The following EPM2A variants were observed in gnomAD, a reference collection of about 807,000 sequenced individuals.
EPM2A encodes laforin.
In EPM2A, 21 loss-of-function variants were observed where a neutral mutation model predicts 26.5. The observed-to-expected ratio is 0.79, with a 90% CI of 0.56 to 1.14. EPM2A has a LOEUF of 1.14. Among genes scored for constraint, EPM2A ranks in the 50% most tolerant of loss-of-function variants. EPM2A has a pLI of 0.00. For missense variants in EPM2A, 458 were observed against 440.8 expected, an observed-to-expected ratio of 1.04 and a Z score of -0.35; for synonymous variants, 217 against 177.6, an observed-to-expected ratio of 1.22 and a Z score of -1.76.
chr6:145,730,411 G>A (rs996738618), intron 1 of EPM2A, among the ~76,000 whole-genome samples: 23 of 152,186 alleles, frequency 1.5e-4, no homozygotes, highest in Admixed American at 1.5e-3. Flanking sequence ...GTGATGAACA[G>A]AGCTGCAGCA....
At chr6:145,480,804 G>A (rs1409207563) in intron 4 of EPM2A, among the ~76,000 whole-genome samples, 2 of 151,666 alleles carry the variant, frequency 1.3e-5, no homozygotes, top group African/African-American at 4.8e-5. Flanking sequence ...TACAACTATG[G>A]GTAATTCTAA....
At chr6:145,604,154 T>C (rs9497367) in intron 2 of EPM2A, among the ~76,000 whole-genome samples, 2 of 152,246 alleles carry the variant, frequency 1.3e-5, no homozygotes, top group South Asian at 4.1e-4. Context: ...CCAACTTGAA[T>C]AGCCATTAAA....
At chr6:145,681,985 T>C (rs1583044524) in intron 2 of EPM2A, among the ~76,000 whole-genome samples, 1 of 152,164 alleles carries the variant, frequency 6.6e-6, no homozygotes, top group Admixed American at 6.6e-5. Flanking sequence ...GTGGCTACCC[T>C]AATATTGCTC....
intron 1 of EPM2A, among the ~76,000 whole-genome samples, chr6:145,692,430 C>T (rs1781335707): frequency 6.6e-6 from 1 of 151,846 alleles, no homozygotes; most frequent in Admixed American, 6.6e-5. Flanking sequence ...AGTACATAAA[C>T]CAAGATAGAA....
At chr6:145,656,215 C>T (rs929152209) in intron 2 of EPM2A, among the ~76,000 whole-genome samples, 3 of 152,200 alleles carry the variant, frequency 2.0e-5, no homozygotes, top group African/African-American at 7.2e-5. Context: ...TAGCTAATCA[C>T]ATTTTGAATA....
intron 2 of EPM2A, among the ~76,000 whole-genome samples, chr6:145,556,190 A>G (rs905486577): frequency 3.9e-5 from 6 of 152,190 alleles, no homozygotes; most frequent in Non-Finnish European, 7.4e-5. Context: ...ACATGATAAA[A>G]GCATGCCAAG....
intron 2 of EPM2A, among the ~76,000 whole-genome samples, chr6:145,545,567 A>C (rs548944232): frequency 6.6e-6 from 1 of 152,298 alleles, no homozygotes; most frequent in South Asian, 2.1e-4. Flanking sequence ...ACAGTTCACC[A>C]CACTACTTAT....
At chr6:145,532,498 G>T (rs1273647473) in intron 2 of EPM2A, among the ~76,000 whole-genome samples, 2 of 152,106 alleles carry the variant, frequency 1.3e-5, no homozygotes, top group African/African-American at 2.4e-5. Flanking sequence ...CTCTGGGGGT[G>T]GGGGGAGGCA....
intron 2 of EPM2A, among the ~76,000 whole-genome samples, chr6:145,650,189 A>C (rs992516537): frequency 2.0e-5 from 3 of 152,202 alleles, no homozygotes; most frequent in Admixed American, 2.0e-4. Flanking sequence ...CCCTGGTTAA[A>C]GATGCTTTTG....
chr6:145,606,309 C>T lies in EPM2A; in HGVS notation c.340+28936G>A, dbSNP rs564111427. On this transcript the variant is annotated intron_variant, in intron 2 of 3. Coordinates refer to the EPM2A transcript ENST00000450221. ...TTCTAGACATCTTCATTCTTTTTCCCAACTAGTATTTCTTAACATATAGGA... is the reference window on the plus strand; with the variant it reads ...TTCTAGACATCTTCATTCTTTTTCCTAACTAGTATTTCTTAACATATAGGA... 2.0e-5 allele frequency among the ~76,000 whole-genome samples: 3 copies of T among 151,962 alleles called. No individual in the cohort carries two copies. In the South Asian group the frequency reaches 6.2e-4, roughly 32 times the overall value.
chr6:145,485,371 CT>C, intron 4 of EPM2A, among the ~76,000 whole-genome samples: 1 of 152,108 alleles, frequency 6.6e-6, no homozygotes, highest in South Asian at 2.1e-4. Context: ...CATGAGATCA[CT>C]AGTGAAGTGG....
At chr6:145,561,465 T>G (rs1780803700) in intron 2 of EPM2A, among the ~76,000 whole-genome samples, 1 of 152,162 alleles carries the variant, frequency 6.6e-6, no homozygotes, top group Non-Finnish European at 1.5e-5. Flanking sequence ...TTTTGTATAT[T>G]TGAATTTGAA....
chr6:145,501,902 T>A (rs1332812741), intron 3 of EPM2A: 2 of 467,966 alleles, frequency 4.3e-6, no homozygotes, highest in Non-Finnish European at 8.8e-6. Context: ...ATTGTTATTG[T>A]TCTCATTTTA....
intron 2 of EPM2A, among the ~76,000 whole-genome samples, chr6:145,673,729 G>T (rs1008785113): frequency 6.6e-6 from 1 of 152,120 alleles, no homozygotes. Context: ...GGGGAGGGGA[G>T]GGCGTCTGCT....
intron 2 of EPM2A, among the ~76,000 whole-genome samples, chr6:145,510,400 C>A (rs1780039233): frequency 6.6e-6 from 1 of 152,090 alleles, no homozygotes; most frequent in African/African-American, 2.4e-5. Flanking sequence ...TACTCTCCAA[C>A]CACAATGGAA....
At chr6:145,536,012 T>C (rs1780425598) in intron 2 of EPM2A, among the ~76,000 whole-genome samples, 1 of 152,230 alleles carries the variant, frequency 6.6e-6, no homozygotes, top group South Asian at 2.1e-4. Context: ...ATCATAAAAT[T>C]GCTAAAGTCA....
intron 2 of EPM2A, among the ~76,000 whole-genome samples, chr6:145,663,541 G>C (rs886240951): frequency 9.9e-5 from 15 of 152,158 alleles, no homozygotes; most frequent in Non-Finnish European, 2.1e-4. Context: ...CGTCTGATTG[G>C]TGTACCTGAA....
chr6:145,494,164 CATTA>C (rs1293680280), intron 4 of EPM2A, among the ~76,000 whole-genome samples: 134 of 152,254 alleles, frequency 8.8e-4, no homozygotes, highest in African/African-American at 3.1e-3. Context: ...TTTCTGAACT[CATTA>C]TTGGTCTGTA....
intron 4 of EPM2A, among the ~76,000 whole-genome samples, chr6:145,476,538 G>A (rs951095918): frequency 1.3e-5 from 2 of 151,964 alleles, no homozygotes; most frequent in Non-Finnish European, 2.9e-5. Context: ...CTCAAGAACA[G>A]ACCATATGTT....
Sources: gnomAD v4.1 joint callset for allele counts (sites outside exome capture counted in the v4.1 genomes callset) on GRCh38, gnomAD v4.1.1 for gene constraint, MANE v1.5 for transcripts, NCBI Gene and HGNC (gene_info 2026-07-23, HGNC 2026-07-21) for gene names.